The following CD1B variants were observed in gnomAD, a reference collection of about 807,000 sequenced individuals.
CD1B encodes the protein T-cell surface glycoprotein CD1b.
CD1B carries 43 observed loss-of-function variants against 39.8 expected under a neutral mutation model. The ratio of observed to expected loss-of-function variants is 1.08; its 90% CI spans 0.85 to 1.39. The LOEUF is 1.39. Ranked by LOEUF, CD1B falls within the 40% of genes most tolerant of loss-of-function variation. CD1B has a pLI of 0.00. For synonymous variants in CD1B, 192 were observed against 152.5 expected (o/e 1.26, Z -1.91); for missense variants, 495 against 403.8 (o/e 1.23, Z -1.94).
At chr1:158,293,182 G>A in the CD1B span, 2 of 1,519,158 alleles carry the variant, frequency 1.3e-6, no homozygotes, top group Admixed American at 3.5e-5. Context: ...AGTTTAAAAT[G>A]GCATCCATGT....
downstream of CD1B, among the ~76,000 whole-genome samples, chr1:158,327,769 AGCCTTCAG>A (rs1652410453): frequency 6.6e-6 from 1 of 152,228 alleles, no homozygotes; most frequent in Non-Finnish European, 1.5e-5. Context: ...ATCTCAGCTG[AGCCTTCAG>A]GGCTAGAAAT....
At chr1:158,304,782 T>C in the CD1B span, among the ~76,000 whole-genome samples, 2 of 152,182 alleles carry the variant, frequency 1.3e-5, no homozygotes, top group Non-Finnish European at 2.9e-5. Flanking sequence ...TGTTCACCAA[T>C]ATCTGCTGTT....
chr1:158,292,414 C>A, the CD1B span: 1 of 1,565,630 alleles, frequency 6.4e-7, no homozygotes. Context: ...TCAAGTACTG[C>A]CCCTTCTGTT....
At chr1:158,325,344 G>A (rs1464419819), downstream of CD1B, among the ~76,000 whole-genome samples, 1 of 151,910 alleles carries the variant, frequency 6.6e-6, no homozygotes, top group Non-Finnish European at 1.5e-5. Context: ...GAGACTACAT[G>A]GAATATGATA....
chr1:158,286,448 G>A, the CD1B span, among the ~76,000 whole-genome samples: 3 of 152,160 alleles, frequency 2.0e-5, no homozygotes, highest in Admixed American at 6.5e-5. Context: ...GTATAAAATT[G>A]TCATACTTAG....
the CD1B span, among the ~76,000 whole-genome samples, chr1:158,321,778 G>T: frequency 6.6e-6 from 1 of 151,934 alleles, no homozygotes. Flanking sequence ...TTTATTTTAA[G>T]TCCAGGGGTA....
the CD1B span, among the ~76,000 whole-genome samples, chr1:158,316,674 G>C: frequency 6.6e-6 from 1 of 150,738 alleles, no homozygotes; most frequent in Admixed American, 6.6e-5. Context: ...AATTGCCCTG[G>C]CCAGAACTTC....
the CD1B span, among the ~76,000 whole-genome samples, chr1:158,317,612 C>A: frequency 6.6e-6 from 1 of 152,016 alleles, no homozygotes; most frequent in Non-Finnish European, 1.5e-5. Flanking sequence ...TTCAAAAAAC[C>A]AGCTCCTGGA....
the CD1B span, among the ~76,000 whole-genome samples, chr1:158,309,412 G>A: frequency 0.012 from 1,771 of 152,138 alleles, 35 homozygotes; most frequent in African/African-American, 0.04. Flanking sequence ...CCATTGTGGA[G>A]GTCAGTGTGG....
the CD1B span, among the ~76,000 whole-genome samples, chr1:158,314,647 TTTTA>T: frequency 6.8e-6 from 1 of 147,962 alleles, no homozygotes; most frequent in Non-Finnish European, 1.5e-5. Flanking sequence ...GTTTTGTTTT[TTTTA>T]TTTTTTTATT....
At chr1:158,293,025 A>T in the CD1B span, 1 of 884,706 alleles carries the variant, frequency 1.1e-6, no homozygotes, top group Non-Finnish European at 1.7e-6. Context: ...CCTAAGGGAT[A>T]CATGGATACT....
chr1:158,298,988 C>T, the CD1B span, among the ~76,000 whole-genome samples: 2 of 152,070 alleles, frequency 1.3e-5, no homozygotes, highest in Admixed American at 1.3e-4. Flanking sequence ...TCCTCTGTTC[C>T]TAATTAAATA....
the CD1B span, chr1:158,291,272 T>C: frequency 2.5e-6 from 4 of 1,614,130 alleles, no homozygotes; most frequent in Non-Finnish European, 1.7e-6. Context: ...ACAATAATTT[T>C]CCTGCATAAC....
the CD1B span, among the ~76,000 whole-genome samples, chr1:158,319,319 G>A: frequency 6.6e-6 from 1 of 151,906 alleles, no homozygotes; most frequent in Non-Finnish European, 1.5e-5. Flanking sequence ...CGTAGATTTG[G>A]TCTTTTCACA....
the CD1B span, among the ~76,000 whole-genome samples, chr1:158,294,086 G>T: frequency 6.6e-6 from 1 of 152,146 alleles, no homozygotes; most frequent in Admixed American, 6.5e-5. Flanking sequence ...CTTGTGCCTT[G>T]ATACACTTAT....
the CD1B span, among the ~76,000 whole-genome samples, chr1:158,318,989 G>C: frequency 6.6e-6 from 1 of 151,808 alleles, no homozygotes; most frequent in South Asian, 2.1e-4. Context: ...TTGAATATTG[G>C]CCCCCACTCT....
chr1:158,320,192 C>T, the CD1B span, among the ~76,000 whole-genome samples: 6 of 152,226 alleles, frequency 3.9e-5, no homozygotes, highest in Admixed American at 1.3e-4. Flanking sequence ...CCACCCAGTT[C>T]GAGCTTCCTG....
chr1:158,294,523 T>A, the CD1B span, among the ~76,000 whole-genome samples: 1 of 152,246 alleles, frequency 6.6e-6, no homozygotes, highest in African/African-American at 2.4e-5. Context: ...AAATAGATTT[T>A]ATTGATGTAT....
chr1:158,325,097 A>G (rs1652307640), downstream of CD1B, among the ~76,000 whole-genome samples: 1 of 151,462 alleles, frequency 6.6e-6, no homozygotes, highest in African/African-American at 2.4e-5. Context: ...GATTCCATCA[A>G]GGTAATAAGA....
Sources: gnomAD v4.1 joint callset for allele counts (sites outside exome capture counted in the v4.1 genomes callset) on GRCh38, gnomAD v4.1.1 for gene constraint, MANE v1.5 for transcripts, NCBI Gene and HGNC (gene_info 2026-07-23, HGNC 2026-07-21) for gene names.